SVOPL: variants seen among roughly 807,000 people sequenced by gnomAD.
SVOPL encodes SVOP like, also known as putative transporter SVOPL.
A neutral mutation model predicts 61.0 loss-of-function variants in SVOPL; 60 were observed. The observed-to-expected ratio is 0.98, with a 90% CI of 0.80 to 1.22. The LOEUF is 1.22. Among genes scored for constraint, SVOPL ranks in the 50% most tolerant of loss-of-function variants. SVOPL has a pLI of 0.00. For missense variants in SVOPL, 662 were observed against 643.9 expected (o/e 1.03, Z -0.30); for synonymous variants, 279 against 250.0 (o/e 1.12, Z -1.09).
At chr7:138,646,531 T>C (rs1801122190) in intron 8 of SVOPL, 1 of 153,176 alleles carries the variant, frequency 6.5e-6, no homozygotes, top group South Asian at 2.1e-4. Context: ...TTTTTTGTTT[T>C]TTTGAGAGAC....
chr7:138,637,720 G>C (rs1800565824), intron 9 of SVOPL, among the ~76,000 whole-genome samples: 2 of 152,104 alleles, frequency 1.3e-5, no homozygotes, highest in Non-Finnish European at 2.9e-5. Context: ...GGGAGGCCAA[G>C]GCAGGCAGAT....
At chr7:138,690,005 G>A (rs537349603) in intron 1 of SVOPL, among the ~76,000 whole-genome samples, 226 of 152,178 alleles carry the variant, frequency 1.5e-3, no homozygotes, top group South Asian at 3.7e-3. Flanking sequence ...ATATGGGGGT[G>A]ATGCATCTAT....
At chr7:138,615,560 C>CAAAAAAAAAAAAAAAAAAA (rs770404185) in intron 14 of SVOPL, among the ~76,000 whole-genome samples, 10 of 5,544 alleles carry the variant, frequency 1.8e-3, no homozygotes, top group Admixed American at 3.6e-3. Context: ...ACTCCGTCTC[C>CAAAAAAAAAAAAAAAAAAA]AAAAAAAAAA....
chr7:138,655,663 A>G (rs532271828), intron 7 of SVOPL, among the ~76,000 whole-genome samples: 1 of 149,332 alleles, frequency 6.7e-6, no homozygotes, highest in East Asian at 1.9e-4. Flanking sequence ...ATACTAATAT[A>G]TTTACGTATA....
chr7:138,672,789 C>A (rs559716166), intron 3 of SVOPL, among the ~76,000 whole-genome samples: 4 of 151,294 alleles, frequency 2.6e-5, no homozygotes, highest in African/African-American at 9.7e-5. Flanking sequence ...CTGAACTCAG[C>A]CTAAGAAAAT....
chr7:138,696,761 G>T (rs1174048848), intron 1 of SVOPL, among the ~76,000 whole-genome samples: 2 of 152,048 alleles, frequency 1.3e-5, no homozygotes, highest in Non-Finnish European at 1.5e-5. Context: ...TAGAAACGGG[G>T]TCTTACCATG....
chr7:138,699,013 A>G (rs1803132369), intron 1 of SVOPL, among the ~76,000 whole-genome samples: 1 of 152,166 alleles, frequency 6.6e-6, no homozygotes. Flanking sequence ...TTAGCTGGAT[A>G]TGGTAGCACA....
At chr7:138,663,053 C>A in intron 5 of SVOPL, 21 bp downstream of exon 5, 1 of 1,614,056 alleles carries the variant, frequency 6.2e-7, no homozygotes, top group East Asian at 2.2e-5. Flanking sequence ...ATTCCAAATG[C>A]TACTGTGAGG....
At position 138,679,006 on chromosome 7, in the gene SVOPL, G is replaced by A; in HGVS notation, c.40C>T (p.Leu14Phe). 6.4e-7 allele frequency: 1 copy of A among 1,551,640 alleles called. No individual in the cohort carries two copies. The highest frequency in any genetic ancestry group is 8.7e-7 in the Non-Finnish European group (1 of 1,146,972). ...GCGGTCCCCAGGCTCAATTTCCGAA[G>A]GCTGAGGATCGTGACAGGCTCTGTT... ...KPTEPVTILS[L>F]RKLSLGTAEP... Residue 14 changes from leucine (L) to phenylalanine (F), a missense_variant, in exon 2 of 16, where the codon CTT (leucine) becomes TTT (phenylalanine). By Grantham distance (22) the Leu-to-Phe change is conservative (BLOSUM62 0). Transcript: ENST00000674285.
chr7:138,672,194 T>C, intron 3 of SVOPL, 77 bp from the exon 4 acceptor site: 2 of 1,302,084 alleles, frequency 1.5e-6, no homozygotes, highest in Non-Finnish European at 2.2e-6. Context: ...CTGCCCATCA[T>C]CCTACCTAGT....
At chr7:138,594,784 A>C (rs1231169171) in intron 15 of SVOPL, among the ~76,000 whole-genome samples, 163 bp from the exon 16 acceptor site, 1 of 152,146 alleles carries the variant, frequency 6.6e-6, no homozygotes, top group Non-Finnish European at 1.5e-5. Context: ...TACAATGCTA[A>C]CTTTTTAATT....
Position 138,669,983 on chromosome 7 carries a change from C to A in SVOPL, c.273+2036G>T, listed in dbSNP as rs544620714. The stretch of plus-strand genomic sequence containing the variant: ...ACCTTTCTCTCCCCACCTGCTGGTT[C>A]TTTGACCTCCTTGGCTGATGTTACT... On this transcript the variant is annotated intron_variant, in intron 4 of 15. Transcript: ENST00000674285. Among the ~76,000 whole-genome samples the A allele has an allele frequency of 1.1e-4, 16 of 152,294 alleles. 1 individual carries two copies. In the East Asian group the frequency reaches 1.5e-3, roughly 15 times the overall value.
At chr7:138,698,626 G>A (rs557494351) in intron 1 of SVOPL, among the ~76,000 whole-genome samples, 5 of 152,256 alleles carry the variant, frequency 3.3e-5, no homozygotes, top group African/African-American at 1.2e-4. Flanking sequence ...TTAGATCCAA[G>A]CCACTGTGAT....
intron 10 of SVOPL, 112 bp downstream of exon 10, chr7:138,629,937 T>C: frequency 1.3e-6 from 1 of 777,802 alleles, no homozygotes; most frequent in Non-Finnish European, 2.2e-6. Flanking sequence ...TTTGTAGTAT[T>C]TGGAGTTAGT....
At chr7:138,673,819 A>AG (rs1192500463) in intron 3 of SVOPL, among the ~76,000 whole-genome samples, 1 of 152,144 alleles carries the variant, frequency 6.6e-6, no homozygotes, top group Non-Finnish European at 1.5e-5. Flanking sequence ...CTTAGGGGAG[A>AG]GGGACCAGGC....
chr7:138,598,590 A>T (rs1798377554), intron 14 of SVOPL, among the ~76,000 whole-genome samples: 2 of 152,216 alleles, frequency 1.3e-5, no homozygotes, highest in African/African-American at 4.8e-5. Context: ...TCCTCAAGAG[A>T]TTTAAAAGAA....
At chr7:138,597,209 C>T (rs561695851) in intron 14 of SVOPL, 31 of 1,289,338 alleles carry the variant, frequency 2.4e-5, no homozygotes, top group East Asian at 5.6e-5. Context: ...AATCTCACAA[C>T]GACAGTAAAG....
intron 1 of SVOPL, among the ~76,000 whole-genome samples, chr7:138,680,585 G>C (rs1458006772): frequency 6.6e-6 from 1 of 151,312 alleles, no homozygotes; most frequent in Non-Finnish European, 1.5e-5. Context: ...GTGTGTGTGT[G>C]TGTGTGTGTG....
At chr7:138,655,574 C>T (rs561458720) in intron 7 of SVOPL, among the ~76,000 whole-genome samples, 1 of 150,692 alleles carries the variant, frequency 6.6e-6, no homozygotes, top group South Asian at 2.1e-4. Context: ...CACACACGCA[C>T]ACACACACAC....
Sources: gnomAD v4.1 joint callset for allele counts (sites outside exome capture counted in the v4.1 genomes callset) on GRCh38, gnomAD v4.1.1 for gene constraint, MANE v1.5 for transcripts, NCBI Gene and HGNC (gene_info 2026-07-23, HGNC 2026-07-21) for gene names.